Variants in DDAH1 observed in about 807,000 individuals in gnomAD.
DDAH1 encodes the protein dimethylarginine dimethylaminohydrolase 1.
A neutral mutation model predicts 28.8 loss-of-function variants in DDAH1; 19 were observed. That is an observed-to-expected ratio of 0.66 (90% CI 0.46 to 0.97). DDAH1 has a LOEUF of 0.97. Ranked by LOEUF, DDAH1 falls within the 50% of genes least tolerant of loss-of-function variation. The probability of loss-of-function intolerance (pLI) is 0.00; values close to 1 mark genes in which losing one functional copy is unlikely to be tolerated. For missense variants in DDAH1, 326 were observed against 375.9 expected, an observed-to-expected ratio of 0.87 and a Z score of 1.10; for synonymous variants, 153 against 154.4, an observed-to-expected ratio of 0.99 and a Z score of 0.07.
At chr1:85,350,336 T>TC in intron 4 of DDAH1, 79 bp downstream of exon 4, 1 of 1,535,776 alleles carries the variant, frequency 6.5e-7, no homozygotes, top group South Asian at 1.3e-5. Context: ...TGCTTGTTAC[T>TC]CCCCCAGCAG....
intron 2 of DDAH1, among the ~76,000 whole-genome samples, chr1:85,483,648 C>A (rs1656088749): frequency 6.6e-6 from 1 of 152,184 alleles, no homozygotes. Flanking sequence ...TGAATGGGGA[C>A]TATAAAGCTT....
intron 2 of DDAH1, among the ~76,000 whole-genome samples, chr1:85,353,368 CAG>C (rs1649328751): frequency 6.6e-6 from 1 of 152,052 alleles, no homozygotes; most frequent in African/African-American, 2.4e-5. Context: ...AGTAGCCATG[CAG>C]AAGTGCTTGA....
At chr1:85,525,298 C>T (rs1336186285) in intron 1 of DDAH1, among the ~76,000 whole-genome samples, 1 of 152,120 alleles carries the variant, frequency 6.6e-6, no homozygotes, top group African/African-American at 2.4e-5. Context: ...AGAATCCACT[C>T]GTACAGCATA....
At chr1:85,544,166 T>C (rs1658550556) in intron 1 of DDAH1, among the ~76,000 whole-genome samples, 1 of 152,206 alleles carries the variant, frequency 6.6e-6, no homozygotes, top group South Asian at 2.1e-4. Flanking sequence ...ACAAATTGGA[T>C]GTCAGAATGA....
chr1:85,422,896 T>A (rs962351284), intron 1 of DDAH1, among the ~76,000 whole-genome samples: 1 of 152,198 alleles, frequency 6.6e-6, no homozygotes, highest in Admixed American at 6.5e-5. Flanking sequence ...AAGGCAGCTG[T>A]CTGAAAGCTA....
intron 1 of DDAH1, among the ~76,000 whole-genome samples, chr1:85,461,206 TTTAAAGTA>T (rs1246928987): frequency 6.8e-6 from 1 of 146,570 alleles, no homozygotes; most frequent in Non-Finnish European, 1.5e-5. Context: ...CTTATTTTTC[TTTAAAGTA>T]TTAAACATAA....
intron 1 of DDAH1, among the ~76,000 whole-genome samples, chr1:85,414,046 G>A (rs983413096): frequency 6.6e-6 from 1 of 152,158 alleles, no homozygotes; most frequent in Non-Finnish European, 1.5e-5. Flanking sequence ...GTCAGGCACT[G>A]TACATTTAAC....
At chr1:85,378,202 G>A (rs894743942) in intron 1 of DDAH1, among the ~76,000 whole-genome samples, 9 of 152,128 alleles carry the variant, frequency 5.9e-5, no homozygotes, top group African/African-American at 2.2e-4. Flanking sequence ...GCTATTATGA[G>A]GAGGCCATTT....
chr1:85,413,584 A>C (rs1324617630), intron 1 of DDAH1, among the ~76,000 whole-genome samples: 2 of 152,254 alleles, frequency 1.3e-5, no homozygotes, highest in East Asian at 1.9e-4. Flanking sequence ...AGTTTATAAT[A>C]AGTAAAATAT....
chr1:85,479,147 C>T (rs1209389054), intron 2 of DDAH1, among the ~76,000 whole-genome samples: 2 of 149,896 alleles, frequency 1.3e-5, no homozygotes, highest in Non-Finnish European at 1.5e-5. Context: ...ATTTTTCCTC[C>T]CTTCTGTTTT....
intron 1 of DDAH1, among the ~76,000 whole-genome samples, chr1:85,515,512 A>C (rs1467199970): frequency 2.3e-4 from 33 of 146,554 alleles, no homozygotes; most frequent in African/African-American, 8.1e-4. Context: ...TTATAAAATT[A>C]AATAATCTAT....
intron 1 of DDAH1, among the ~76,000 whole-genome samples, chr1:85,544,941 A>G (rs1038321052): frequency 6.6e-6 from 1 of 151,788 alleles, no homozygotes; most frequent in Non-Finnish European, 1.5e-5. Flanking sequence ...TCATTTTCTA[A>G]CTCCTTCTGT....
chr1:85,511,908 T>G (rs992219377), intron 1 of DDAH1, among the ~76,000 whole-genome samples: 24 of 152,204 alleles, frequency 1.6e-4, no homozygotes, highest in African/African-American at 5.5e-4. Flanking sequence ...ACAGCCGAAT[T>G]CTACCAGAGG....
chr1:85,440,696 C>T (rs1054861630), intron 1 of DDAH1, among the ~76,000 whole-genome samples: 4 of 152,056 alleles, frequency 2.6e-5, no homozygotes, highest in African/African-American at 4.8e-5. Flanking sequence ...TTTTCCAATC[C>T]GGGAAGTGGA....
intron 4 of DDAH1, among the ~76,000 whole-genome samples, chr1:85,343,489 T>TA (rs142086945): frequency 1.2e-3 from 188 of 152,254 alleles, no homozygotes; most frequent in African/African-American, 3.3e-3. Context: ...ATGGCAGATT[T>TA]AAAAAAATCA....
upstream of DDAH1, chr1:85,465,215 C>T: frequency 8.9e-7 from 1 of 1,120,938 alleles, no homozygotes; most frequent in South Asian, 4.4e-5. Flanking sequence ...CTGAGCATGC[C>T]CAGAGCTCCG....
At chr1:85,341,525 A>T (rs1648476226) in intron 4 of DDAH1, among the ~76,000 whole-genome samples, 1 of 152,206 alleles carries the variant, frequency 6.6e-6, no homozygotes, top group Non-Finnish European at 1.5e-5. Context: ...ACAGATATAA[A>T]GATGTTCCGG....
chr1:85,554,287 T>TTTTTG (rs1553148486), intron 1 of DDAH1, among the ~76,000 whole-genome samples: 1 of 150,222 alleles, frequency 6.7e-6, no homozygotes, highest in African/African-American at 2.5e-5. Flanking sequence ...TTTTTTTTTT[T>TTTTTG]TTTTTTTTTT....
intron 1 of DDAH1, among the ~76,000 whole-genome samples, chr1:85,383,837 T>C (rs1016662656): frequency 1.3e-5 from 2 of 152,240 alleles, no homozygotes; most frequent in Non-Finnish European, 2.9e-5. Flanking sequence ...CCATAAAATA[T>C]TCTTTAACTG....
Sources: allele counts gnomAD v4.1 joint callset (sites outside exome capture counted in the v4.1 genomes callset), GRCh38; gene constraint gnomAD v4.1.1; transcripts MANE v1.5; gene names NCBI Gene and HGNC (gene_info 2026-07-23, HGNC 2026-07-21).